Variants in NPIPB15 observed in about 807,000 individuals in gnomAD.
NPIPB15 encodes nuclear pore complex interacting protein family member B15.
Under a neutral mutation model 35.9 loss-of-function variants are expected in NPIPB15, and 5 were observed. The observed-to-expected ratio is 0.14, with a 90% CI of 0.07 to 0.29. The LOEUF is 0.29. NPIPB15 is among the 10% of genes least tolerant of loss of function. The pLI is 1.00. For missense variants in NPIPB15, 100 were observed against 506.1 expected (o/e 0.20, Z 7.70); for synonymous variants, 43 against 182.0 (o/e 0.24, Z 6.15).
rs977414383 is a variant in NPIPB15 at position 74,376,346 on chromosome 16, A to G, written c.-1023A>G. ...TTGGGCACACTCTGTGTGATCGGGC[A>G]GAAGGCCTGTGGGAAGTTCAGCTGA... is the stretch of plus-strand genomic sequence containing the variant. On this transcript the variant is annotated 5_prime_UTR_variant, in exon 1 of 8. Transcript: ENST00000692376. 2.6e-5 allele frequency among the ~76,000 whole-genome samples: 4 copies of G among 151,642 alleles called. No homozygotes were observed. Among genetic ancestry groups the G allele is most frequent in the South Asian group, 2.1e-4 (1 of 4,826 alleles).
Position 74,391,502 on chromosome 16 carries a change from C to G in NPIPB15, c.754C>G (p.Gln252Glu). The change falls in exon 8 of 8, where the codon CAA (glutamine) becomes GAA (glutamate). Residue 252 changes from glutamine (Q) to glutamate (E), a missense_variant. By Grantham distance (29) the Gln-to-Glu change is conservative. Coordinates refer to ENST00000692376, the MANE Select transcript of NPIPB15 (RefSeq NM_001306094.2). ...RMGRQPPPPTQQHSITDNSLS... is the reference protein window; with the variant it reads ...RMGRQPPPPTEQHSITDNSLS... Reference sequence around the variant, plus strand: ...GGGCCGCCAGCCACCTCCTCCAACTCAACAACATTCTATAACTGATAACTC... The same window carrying G: ...GGGCCGCCAGCCACCTCCTCCAACTGAACAACATTCTATAACTGATAACTC... 1 of 1,601,520 alleles carries G rather than the reference C, an allele frequency of 6.2e-7. No individual in the cohort carries two copies. The highest frequency in any genetic ancestry group is 8.5e-7 in the Non-Finnish European group (1 of 1,174,246).
chr16:74,378,580 A>AT (rs2011809584), intron 2 of NPIPB15, among the ~76,000 whole-genome samples: 1 of 148,612 alleles, frequency 6.7e-6, no homozygotes, highest in Non-Finnish European at 1.5e-5. Flanking sequence ...CGCCTGGCTA[A>AT]TTTTTGTATT....
chr16:74,379,957 T>A (rs1228828805), intron 2 of NPIPB15, among the ~76,000 whole-genome samples: 1 of 121,438 alleles, frequency 8.2e-6, no homozygotes, highest in Non-Finnish European at 1.8e-5. Flanking sequence ...TCATTGTATT[T>A]TTTTTTTTTT....
intron 5 of NPIPB15, among the ~76,000 whole-genome samples, chr16:74,389,466 A>G (rs2012436982): frequency 6.8e-6 from 1 of 148,044 alleles, no homozygotes; most frequent in Admixed American, 7.2e-5. Flanking sequence ...TCCGCCTCCC[A>G]GGTTCAAGTG....
intron 2 of NPIPB15, 154 bp from the exon 3 acceptor site, chr16:74,381,362 C>A: frequency 1.1e-6 from 1 of 884,570 alleles, no homozygotes; most frequent in African/African-American, 1.7e-5. Flanking sequence ...CTTCTAACTT[C>A]TGTTCTTTTT....
intron 5 of NPIPB15, among the ~76,000 whole-genome samples, chr16:74,387,168 C>T (rs2012325512): frequency 1.3e-5 from 2 of 151,834 alleles, no homozygotes; most frequent in South Asian, 4.1e-4. Flanking sequence ...TTCCTGTCCA[C>T]CTCTATTCTG....
At chr16:74,384,668 A>ATT (rs1186582416) in intron 3 of NPIPB15, among the ~76,000 whole-genome samples, 634 of 61,524 alleles carry the variant, frequency 0.01, 63 homozygotes, top group Non-Finnish European at 0.014. Context: ...CACCTGGCCT[A>ATT]TTTTTTTTTT....
At chr16:74,388,970 C>A (rs1180299744) in intron 5 of NPIPB15, among the ~76,000 whole-genome samples, 1 of 149,510 alleles carries the variant, frequency 6.7e-6, no homozygotes, top group African/African-American at 2.5e-5. Context: ...AAACAGAAAA[C>A]AAAGTACCTG....
At chr16:74,377,427 C>T (rs1261513070) in intron 1 of NPIPB15, among the ~76,000 whole-genome samples, 81 bp downstream of exon 1, 7 of 151,752 alleles carry the variant, frequency 4.6e-5, no homozygotes, top group South Asian at 4.2e-4. Flanking sequence ...TGGAATGATG[C>T]GGGCGCTACT....
chr16:74,382,832 A>C (rs891549561), intron 3 of NPIPB15, among the ~76,000 whole-genome samples: 9 of 151,914 alleles, frequency 5.9e-5, no homozygotes, highest in Admixed American at 1.3e-4. Flanking sequence ...AGTTATGAAG[A>C]TATCTAGGCA....
At chr16:74,387,818 C>G (rs1214028112) in intron 5 of NPIPB15, among the ~76,000 whole-genome samples, 1 of 150,990 alleles carries the variant, frequency 6.6e-6, no homozygotes, top group Non-Finnish European at 1.5e-5. Flanking sequence ...TGTTTCCTAG[C>G]GTTCTGGGAA....
At chr16:74,382,853 T>C (rs2012065083) in intron 3 of NPIPB15, among the ~76,000 whole-genome samples, 1 of 151,952 alleles carries the variant, frequency 6.6e-6, no homozygotes, top group African/African-American at 2.4e-5. Flanking sequence ...CATTTAACAT[T>C]CTCTATGCCA....
At chr16:74,379,782 G>T (rs1411387140) in intron 2 of NPIPB15, among the ~76,000 whole-genome samples, 1 of 151,520 alleles carries the variant, frequency 6.6e-6, no homozygotes, top group Non-Finnish European at 1.5e-5. Context: ...GTAGAGATGG[G>T]TTTCACCGTG....
intron 2 of NPIPB15, among the ~76,000 whole-genome samples, chr16:74,380,867 T>C (rs1464699680): frequency 6.6e-6 from 1 of 151,988 alleles, no homozygotes; most frequent in Admixed American, 6.6e-5. Context: ...AAAAAATGGC[T>C]GGGCACGGTG....
chr16:74,384,755 CACCACA>C (rs1192721180), intron 3 of NPIPB15, among the ~76,000 whole-genome samples: 4 of 141,434 alleles, frequency 2.8e-5, no homozygotes, highest in South Asian at 2.3e-4. Context: ...AATCTCAGCT[CACCACA>C]ACCTTTTCCT....
chr16:74,379,197 G>A (rs375811817), intron 2 of NPIPB15, among the ~76,000 whole-genome samples: 23,954 of 143,750 alleles, frequency 0.17, 3 homozygotes, highest in Middle Eastern at 0.2. Flanking sequence ...CTGGAATTTC[G>A]CGTATACAGA....
Position 74,381,696 on chromosome 16 carries a change from T to C in NPIPB15, c.247T>C (p.Cys83Arg), listed in dbSNP as rs1333322146. 1 of 1,592,246 alleles carries C rather than the reference T, an allele frequency of 6.3e-7. No individual in the cohort carries two copies. The highest frequency in any genetic ancestry group is 1.1e-5 in the South Asian group (1 of 90,140). ...FTILFCTSYL[C>R]VSFLKTIFWS... is the part of the protein sequence containing the mutation. ...CATTCTCTTCTGCACAAGTTACCTT[T>C]GTGTGAGTATACTAACTTTCTGTAG... The change falls in exon 3 of 8, where the codon TGT (cysteine) becomes CGT (arginine). Residue 83 changes from cysteine (C) to arginine (R), a missense_variant and splice_region_variant. Cys to Arg is a radical substitution (Grantham distance 180, BLOSUM62 -3). Transcript: ENST00000692376.
chr16:74,383,770 G>A (rs2012113242), intron 3 of NPIPB15, among the ~76,000 whole-genome samples: 1 of 151,730 alleles, frequency 6.6e-6, no homozygotes. Flanking sequence ...ACAAAAATTA[G>A]CCAGGCATGG....
chr16:74,377,042 T>G lies in NPIPB15; in HGVS notation c.-327T>G, dbSNP rs1168193239. Among the ~76,000 whole-genome samples, 2 of 144,664 alleles carry G rather than the reference T, an allele frequency of 1.4e-5. No individual in the cohort carries two copies. The highest frequency in any genetic ancestry group is 4.1e-4 in the East Asian group (2 of 4,888). 94.9% of individuals were successfully genotyped at this position (144,664 alleles called of 152,430 possible). On this transcript the variant is annotated 5_prime_UTR_variant, in exon 1 of 8. An upstream start codon of the reference 5' UTR is lost. Coordinates refer to ENST00000692376, the MANE Select transcript of NPIPB15 (RefSeq NM_001306094.2). The stretch of plus-strand genomic sequence containing the variant: ...ATGTACCATGCATGCTTAAAATGAA[T>G]GTATCTACATTTGTTCCTGAGATAC...
Sources: allele counts gnomAD v4.1 joint callset (sites outside exome capture counted in the v4.1 genomes callset), GRCh38; gene constraint gnomAD v4.1.1; transcripts MANE v1.5; gene names NCBI Gene and HGNC (gene_info 2026-07-23, HGNC 2026-07-21).